The following PPM1H variants were observed in gnomAD, a reference collection of about 807,000 sequenced individuals.
PPM1H encodes protein phosphatase 1H.
PPM1H carries 27 observed loss-of-function variants against 54.9 expected under a neutral mutation model. That is an observed-to-expected ratio of 0.49 (90% confidence interval 0.36 to 0.68). PPM1H has a LOEUF of 0.68. PPM1H is among the 30% of genes least tolerant of loss of function. The pLI is 0.00. For synonymous variants in PPM1H, 305 were observed against 270.8 expected (o/e 1.13, Z -1.24); for missense variants, 596 against 667.8 (o/e 0.89, Z 1.19).
chr12:62,706,081 T>C (rs1327356338), intron 6 of PPM1H, among the ~76,000 whole-genome samples: 1 of 152,222 alleles, frequency 6.6e-6, no homozygotes. Flanking sequence ...CTTTAACCTA[T>C]GCTACATCAT....
chr12:62,655,757 C>A (rs1469718618), intron 9 of PPM1H, among the ~76,000 whole-genome samples: 2 of 152,252 alleles, frequency 1.3e-5, no homozygotes, highest in African/African-American at 4.8e-5. Flanking sequence ...AGCCCTAGTG[C>A]CGTCACTGAA....
At chr12:62,917,837 T>C (rs1258954733) in intron 1 of PPM1H, among the ~76,000 whole-genome samples, 3 of 152,136 alleles carry the variant, frequency 2.0e-5, no homozygotes, top group Non-Finnish European at 2.9e-5. Flanking sequence ...AGCAAGGGGA[T>C]TAGTTTCCAC....
At chr12:62,789,559 CA>C (rs1229173344) in intron 3 of PPM1H, among the ~76,000 whole-genome samples, 1 of 152,204 alleles carries the variant, frequency 6.6e-6, no homozygotes, top group Non-Finnish European at 1.5e-5. Context: ...CACCAATTTA[CA>C]ATGGTAAAAC....
intron 2 of PPM1H, among the ~76,000 whole-genome samples, chr12:62,811,912 A>G (rs556134028): frequency 2.0e-4 from 31 of 152,148 alleles, no homozygotes; most frequent in Non-Finnish European, 4.0e-4. Flanking sequence ...TCTATCAAGC[A>G]CCTATGTTTA....
At chr12:62,671,006 C>T (rs1292140772) in intron 8 of PPM1H, among the ~76,000 whole-genome samples, 2 of 152,164 alleles carry the variant, frequency 1.3e-5, no homozygotes, top group Admixed American at 1.3e-4. Flanking sequence ...CAAGTCATCC[C>T]ACTGTGTGCT....
chr12:62,818,884 G>C (rs185312811), intron 2 of PPM1H, among the ~76,000 whole-genome samples: 6 of 144,776 alleles, frequency 4.1e-5, no homozygotes, highest in South Asian at 2.2e-4. Context: ...GCAGTGGTGT[G>C]ATCTTGGCCC....
intron 1 of PPM1H, among the ~76,000 whole-genome samples, chr12:62,839,874 CAA>C (rs746381032): frequency 3.9e-4 from 33 of 84,164 alleles, no homozygotes; most frequent in Admixed American, 4.9e-4. Flanking sequence ...CCTGTTTCTA[CAA>C]AAAAAAAAAA....
intron 4 of PPM1H, among the ~76,000 whole-genome samples, chr12:62,787,661 T>A (rs977303962): frequency 6.6e-6 from 1 of 152,130 alleles, no homozygotes. Context: ...GTCTAATTTT[T>A]AAAAAATAAA....
intron 8 of PPM1H, 24 bp from the exon 9 acceptor site, chr12:62,667,353 C>T (rs536975733): frequency 1.3e-6 from 2 of 1,520,702 alleles, no homozygotes; most frequent in South Asian, 2.5e-5. Context: ...AGAATACTAC[C>T]ACTTAAGAAA....
chr12:62,709,755 G>A (rs1380725182), intron 6 of PPM1H, among the ~76,000 whole-genome samples: 1 of 152,184 alleles, frequency 6.6e-6, no homozygotes, highest in African/African-American at 2.4e-5. Flanking sequence ...TAGGTTTAAA[G>A]GTGAAATGAT....
chr12:62,929,620 T>G (rs1012976016), intron 1 of PPM1H, among the ~76,000 whole-genome samples: 1 of 152,264 alleles, frequency 6.6e-6, no homozygotes, highest in Non-Finnish European at 1.5e-5. Context: ...AACACCCCCC[T>G]GCATGGTTAA....
intron 7 of PPM1H, among the ~76,000 whole-genome samples, chr12:62,690,824 T>C (rs2076078701): frequency 6.6e-6 from 1 of 151,920 alleles, no homozygotes; most frequent in Non-Finnish European, 1.5e-5. Context: ...ATACAAAATT[T>C]AGCTAGGCAT....
intron 4 of PPM1H, among the ~76,000 whole-genome samples, chr12:62,763,283 G>T (rs1293852501): frequency 6.6e-6 from 1 of 152,218 alleles, no homozygotes; most frequent in Non-Finnish European, 1.5e-5. Flanking sequence ...TGGACTGGCT[G>T]TTGAGCCCCT....
At chr12:62,883,130 A>T (rs1279153764) in intron 1 of PPM1H, among the ~76,000 whole-genome samples, 1 of 152,166 alleles carries the variant, frequency 6.6e-6, no homozygotes, top group African/African-American at 2.4e-5. Flanking sequence ...CTGGTATTAC[A>T]GAAGAAAGGA....
At chr12:62,863,434 T>TAA (rs1869673602) in intron 1 of PPM1H, among the ~76,000 whole-genome samples, 1 of 152,214 alleles carries the variant, frequency 6.6e-6, no homozygotes, top group Non-Finnish European at 1.5e-5. Flanking sequence ...TCATTCAAAA[T>TAA]GCAAAAGGGT....
At chr12:62,751,670 T>A (rs750551444) in intron 4 of PPM1H, among the ~76,000 whole-genome samples, 5 of 152,242 alleles carry the variant, frequency 3.3e-5, no homozygotes, top group South Asian at 2.1e-4. Flanking sequence ...TGAGGCGTCC[T>A]TCACTGTAAT....
intron 2 of PPM1H, among the ~76,000 whole-genome samples, chr12:62,802,470 T>C (rs1345091051): frequency 1.3e-5 from 2 of 152,020 alleles, no homozygotes; most frequent in Admixed American, 6.6e-5. Flanking sequence ...GAGGGTGAGA[T>C]CTACTCTAAT....
At chr12:62,659,357 T>C (rs144209418) in intron 9 of PPM1H, 149 of 441,438 alleles carry the variant, frequency 3.4e-4, no homozygotes, top group African/African-American at 2.9e-3. Context: ...TTCTGGTTCC[T>C]TTGTTGAGAC....
At chr12:62,720,666 T>A (rs2076258511) in intron 5 of PPM1H, 1 of 188,008 alleles carries the variant, frequency 5.3e-6, no homozygotes, top group Non-Finnish European at 1.1e-5. Flanking sequence ...CTCACTTACA[T>A]CCTTGGTTAT....
Sources: gnomAD v4.1 joint callset for allele counts (sites outside exome capture counted in the v4.1 genomes callset) on GRCh38, gnomAD v4.1.1 for gene constraint, MANE v1.5 for transcripts, NCBI Gene and HGNC (gene_info 2026-07-23, HGNC 2026-07-21) for gene names.